The following SAMTOR variants were observed in gnomAD, a reference collection of about 807,000 sequenced individuals.
SAMTOR encodes the protein UPF0532 protein C7orf60.
At chr7:112,850,612 T>G in the SAMTOR span, among the ~76,000 whole-genome samples, 3 of 152,210 alleles carry the variant, frequency 2.0e-5, no homozygotes, top group South Asian at 4.1e-4. Flanking sequence ...TTTCTGATTC[T>G]TCCTGGTTCA....
At chr7:112,840,551 A>T in the SAMTOR span, among the ~76,000 whole-genome samples, 1 of 151,316 alleles carries the variant, frequency 6.6e-6, no homozygotes, top group Non-Finnish European at 1.5e-5. Context: ...TAACCATTTT[A>T]TTTTTTTTAT....
chr7:112,821,719 C>A, the SAMTOR span: 17 of 1,553,552 alleles, frequency 1.1e-5, no homozygotes, highest in Non-Finnish European at 1.5e-5. Context: ...GGAGCCTGGA[C>A]TGAAAGGGGC....
At chr7:112,856,602 A>G in the SAMTOR span, among the ~76,000 whole-genome samples, 17 of 152,200 alleles carry the variant, frequency 1.1e-4, no homozygotes, top group African/African-American at 3.9e-4. Flanking sequence ...TTTTTGCTAT[A>G]GTTTTGAAGT....
At chr7:112,900,522 C>T in the SAMTOR span, among the ~76,000 whole-genome samples, 2 of 152,152 alleles carry the variant, frequency 1.3e-5, no homozygotes, top group African/African-American at 4.8e-5. Flanking sequence ...CAAATATCTG[C>T]GTACCTTTTG....
At chr7:112,869,068 T>C in the SAMTOR span, among the ~76,000 whole-genome samples, 1 of 152,120 alleles carries the variant, frequency 6.6e-6, no homozygotes, top group East Asian at 1.9e-4. Context: ...GAACGTGGCC[T>C]GCCAAAGCCT....
At chr7:112,865,275 C>G in the SAMTOR span, among the ~76,000 whole-genome samples, 1 of 151,776 alleles carries the variant, frequency 6.6e-6, no homozygotes. Flanking sequence ...ACAGCAAGAC[C>G]CCCCATCTCT....
At chr7:112,877,214 TAA>T in the SAMTOR span, among the ~76,000 whole-genome samples, 2 of 152,214 alleles carry the variant, frequency 1.3e-5, no homozygotes, top group Non-Finnish European at 2.9e-5. Flanking sequence ...TTCTAGGAGC[TAA>T]GTTATCCACA....
At chr7:112,938,712 G>T in the SAMTOR span, among the ~76,000 whole-genome samples, 1 of 152,146 alleles carries the variant, frequency 6.6e-6, no homozygotes, top group South Asian at 2.1e-4. Context: ...TTATAAAACA[G>T]CTGTGTACAA....
chr7:112,938,725 G>C, the SAMTOR span, among the ~76,000 whole-genome samples: 2 of 152,136 alleles, frequency 1.3e-5, no homozygotes. Flanking sequence ...GTGTACAAAA[G>C]CCTATATTTA....
the SAMTOR span, among the ~76,000 whole-genome samples, chr7:112,914,788 C>A: frequency 2.0e-5 from 3 of 151,918 alleles, no homozygotes; most frequent in African/African-American, 4.8e-5. Flanking sequence ...TAAAACAAAA[C>A]AAGTGTGTCA....
the SAMTOR span, among the ~76,000 whole-genome samples, chr7:112,844,480 C>G: frequency 6.7e-6 from 1 of 149,860 alleles, no homozygotes; most frequent in Non-Finnish European, 1.5e-5. Context: ...TTTCTATACA[C>G]CAGTAAGGCA....
At chr7:112,855,252 T>C in the SAMTOR span, among the ~76,000 whole-genome samples, 1 of 152,198 alleles carries the variant, frequency 6.6e-6, no homozygotes, top group African/African-American at 2.4e-5. Context: ...TAATATACAA[T>C]GGAAATATAT....
At chr7:112,839,486 G>A in the SAMTOR span, among the ~76,000 whole-genome samples, 1 of 151,710 alleles carries the variant, frequency 6.6e-6, no homozygotes, top group African/African-American at 2.4e-5. Context: ...CAGACTAAAG[G>A]TACTTGGGAG....
At chr7:112,934,345 A>C in the SAMTOR span, among the ~76,000 whole-genome samples, 1 of 152,178 alleles carries the variant, frequency 6.6e-6, no homozygotes, top group Non-Finnish European at 1.5e-5. Context: ...ATAGATTGCA[A>C]ACTAAATCAT....
At chr7:112,880,593 A>G in the SAMTOR span, among the ~76,000 whole-genome samples, 1 of 152,016 alleles carries the variant, frequency 6.6e-6, no homozygotes, top group South Asian at 2.1e-4. Context: ...TTTAAAAACT[A>G]GATTATGCAT....
the SAMTOR span, among the ~76,000 whole-genome samples, chr7:112,839,518 A>G: frequency 1.3e-5 from 2 of 151,848 alleles, no homozygotes; most frequent in African/African-American, 4.8e-5. Flanking sequence ...ACATCACCTT[A>G]GTCAAAAGAT....
chr7:112,908,234 G>A, the SAMTOR span, among the ~76,000 whole-genome samples: 1 of 152,140 alleles, frequency 6.6e-6, no homozygotes, highest in Non-Finnish European at 1.5e-5. Flanking sequence ...TCCTTAATGT[G>A]AGTGGGCCTC....
the SAMTOR span, among the ~76,000 whole-genome samples, chr7:112,842,923 ATACCTC>A: frequency 8.6e-5 from 13 of 152,028 alleles, no homozygotes; most frequent in African/African-American, 2.9e-4. Flanking sequence ...TTGAGAATCA[ATACCTC>A]ATTAAATTAT....
the SAMTOR span, among the ~76,000 whole-genome samples, chr7:112,872,761 C>G: frequency 6.7e-6 from 1 of 150,092 alleles, no homozygotes; most frequent in African/African-American, 2.5e-5. Context: ...CCTAAACAGT[C>G]AGTGAAGTTT....
Sources: gnomAD v4.1 joint callset for allele counts (sites outside exome capture counted in the v4.1 genomes callset) on GRCh38, gnomAD v4.1.1 for gene constraint, MANE v1.5 for transcripts, NCBI Gene and HGNC (gene_info 2026-07-23, HGNC 2026-07-21) for gene names.